GRHL2: variants seen among roughly 807,000 people sequenced by gnomAD.
The protein encoded by GRHL2 is grainyhead like transcription factor 2.
Under a neutral mutation model 83.8 loss-of-function variants are expected in GRHL2, and 21 were observed. The observed-to-expected ratio is 0.25, with a 90% CI of 0.18 to 0.36. The LOEUF is 0.36. GRHL2 is among the 10% of genes least tolerant of loss of function. The pLI, the probability that GRHL2 is intolerant of heterozygous loss-of-function variation, is 1.00. For synonymous variants in GRHL2, 280 were observed against 278.9 expected, an observed-to-expected ratio of 1.00 and a Z score of -0.04; for missense variants, 623 against 781.8, an observed-to-expected ratio of 0.80 and a Z score of 2.42.
chr8:101,516,864 CCACCAT>C (rs1810584085), intron 1 of GRHL2, among the ~76,000 whole-genome samples: 1 of 152,198 alleles, frequency 6.6e-6, no homozygotes, highest in Non-Finnish European at 1.5e-5. Flanking sequence ...TCACTTATTG[CCACCAT>C]CTGAAACCTG....
At chr8:101,536,323 A>G (rs150466618) in intron 1 of GRHL2, among the ~76,000 whole-genome samples, 445 of 152,328 alleles carry the variant, frequency 2.9e-3, no homozygotes, top group African/African-American at 0.01. Flanking sequence ...TATGGATCAA[A>G]GAGGGGAAAG....
At chr8:101,670,779 G>A (rs111642050), downstream of GRHL2, among the ~76,000 whole-genome samples, 30 of 152,314 alleles carry the variant, frequency 2.0e-4, no homozygotes, top group African/African-American at 3.1e-4. Context: ...AGGCGATGAC[G>A]GTTGTCAGTG....
chr8:101,509,508 G>A (rs1206227616), intron 1 of GRHL2, among the ~76,000 whole-genome samples: 1 of 151,928 alleles, frequency 6.6e-6, no homozygotes, highest in East Asian at 1.9e-4. Flanking sequence ...AAACATGTAG[G>A]GCAATTAAGA....
chr8:101,552,908 G>A, intron 3 of GRHL2, 126 bp downstream of exon 3: 1 of 903,220 alleles, frequency 1.1e-6, no homozygotes, highest in South Asian at 1.4e-5. Flanking sequence ...TCTGTCTTTT[G>A]AGTCTGGACC....
chr8:101,517,831 C>G (rs1205119891), intron 1 of GRHL2, among the ~76,000 whole-genome samples: 1 of 152,240 alleles, frequency 6.6e-6, no homozygotes, highest in Non-Finnish European at 1.5e-5. Context: ...ACCTGACTTT[C>G]TAACAGGATT....
chr8:101,653,810 T>C (rs1419187062), intron 14 of GRHL2, among the ~76,000 whole-genome samples: 2 of 151,904 alleles, frequency 1.3e-5, no homozygotes, highest in African/African-American at 4.8e-5. Context: ...TCAGATTCTA[T>C]AGGGGTAGGC....
intron 1 of GRHL2, among the ~76,000 whole-genome samples, chr8:101,523,680 A>T (rs1215124842): frequency 6.6e-6 from 1 of 151,758 alleles, no homozygotes; most frequent in Non-Finnish European, 1.5e-5. Context: ...GGTTTTTGCC[A>T]TGTTGTCTGC....
intron 1 of GRHL2, among the ~76,000 whole-genome samples, chr8:101,518,405 G>A (rs1208426410): frequency 9.2e-5 from 14 of 152,084 alleles, no homozygotes; most frequent in South Asian, 2.1e-4. Context: ...GAGTGAGACC[G>A]TGTCTCAAAG....
At chr8:101,533,996 G>C (rs574528254) in intron 1 of GRHL2, among the ~76,000 whole-genome samples, 5 of 152,256 alleles carry the variant, frequency 3.3e-5, no homozygotes, top group African/African-American at 1.2e-4. Flanking sequence ...GAGCACGAGA[G>C]GGCATGATGT....
chr8:101,608,733 TCTCACACACA>T (rs771765768), intron 8 of GRHL2, among the ~76,000 whole-genome samples: 1 of 50,528 alleles, frequency 2.0e-5, no homozygotes, highest in Non-Finnish European at 3.4e-5. Flanking sequence ...CTGCTCACTC[TCTCACACACA>T]CACACACACA....
rs1486388579 is a variant in GRHL2 at position 101,543,249 on chromosome 8, G to T, written c.29G>T (p.Arg10Ile). 6.2e-7 allele frequency: 1 copy of T among 1,613,640 alleles called. No individual in the cohort carries two copies. The highest frequency in any genetic ancestry group is 1.3e-5 in the African/African-American group (1 of 74,886). MSQESDNNK[R>I]LVALVPMPSD... is the part of the protein sequence containing the mutation. ...TTCTCTTGTTTTTACAGTAATAAAA[G>T]ACTAGTGGCCTTAGTGCCCATGCCC... Residue 10 changes from arginine to isoleucine, a missense_variant, in exon 2 of 16, where the codon AGA becomes ATA. Transcript: ENST00000646743.
rs1203659839 is a variant in GRHL2 at position 101,668,247 on chromosome 8, T to A, written c.*1544T>A. ...CGCCCTTGTGGGCTGAAGCACTAGC[T>A]TTTTGGTAGCTAGACACATCCTGCA... On this transcript the variant is annotated 3_prime_UTR_variant, in exon 16 of 16. Coordinates refer to ENST00000646743, the MANE Select transcript of GRHL2 (RefSeq NM_024915.4). 1.3e-5 allele frequency: 2 copies of A among 151,654 alleles called. No homozygotes were observed. Among genetic ancestry groups the A allele is most frequent in the Non-Finnish European group, 2.9e-5 (2 of 67,884 alleles). The allele number at this position is 151,654 out of a possible 1,614,324, so 9.4% of individuals were successfully genotyped here.
intron 14 of GRHL2, among the ~76,000 whole-genome samples, chr8:101,650,026 C>T (rs1813589188): frequency 6.6e-6 from 1 of 152,190 alleles, no homozygotes; most frequent in Non-Finnish European, 1.5e-5. Flanking sequence ...TGTTATTCAC[C>T]TGAATATAAC....
intron 2 of GRHL2, chr8:101,543,920 C>A (rs55716806): frequency 1.6e-5 from 3 of 191,256 alleles, no homozygotes; most frequent in Non-Finnish European, 3.2e-5. Context: ...AAAAGGCACT[C>A]CTTACACGGC....
At chr8:101,655,556 T>C (rs911160788) in intron 14 of GRHL2, among the ~76,000 whole-genome samples, 10 of 152,324 alleles carry the variant, frequency 6.6e-5, no homozygotes, top group African/African-American at 2.4e-4. Flanking sequence ...TCATTTCACC[T>C]GCCAGAAAAT....
chr8:101,608,715 C>CTTTTTTTATTTTTCTACATTTTTTATT (rs1244428414), intron 8 of GRHL2, among the ~76,000 whole-genome samples: 2 of 145,194 alleles, frequency 1.4e-5, no homozygotes, highest in African/African-American at 5.3e-5. Flanking sequence ...GCCAGATTTG[C>CTTTTTTTATTTTTCTACATTTTTTATT]TTTGTCTCTG....
rs564246796 is a variant in GRHL2 at position 101,542,383 on chromosome 8, C to G, written c.21-858C>G. Among the ~76,000 whole-genome samples the G allele has an allele frequency of 2.6e-5, 4 of 151,864 alleles. No homozygotes were observed. The South Asian group carries it at 8.4e-4, about 32-fold the overall frequency. ...CTGAGGTCAGGAGTTTGAGAACAGC[C>G]GTCTCTACTAAAAATACAAAAATTA... On this transcript the variant is annotated intron_variant, in intron 1 of 15. Transcript: ENST00000646743.
At chr8:101,599,712 A>C (rs1812471057) in intron 8 of GRHL2, among the ~76,000 whole-genome samples, 1 of 152,220 alleles carries the variant, frequency 6.6e-6, no homozygotes, top group Non-Finnish European at 1.5e-5. Context: ...CACATGGTTA[A>C]GAAGTACAAA....
intron 1 of GRHL2, among the ~76,000 whole-genome samples, chr8:101,521,568 C>G (rs1354029603): frequency 1.3e-5 from 2 of 152,184 alleles, no homozygotes; most frequent in Non-Finnish European, 2.9e-5. Context: ...GAGACTGGGT[C>G]TGTCTTTTTC....
Sources: gnomAD v4.1 joint callset for allele counts (sites outside exome capture counted in the v4.1 genomes callset) on GRCh38, gnomAD v4.1.1 for gene constraint, MANE v1.5 for transcripts, NCBI Gene and HGNC (gene_info 2026-07-23, HGNC 2026-07-21) for gene names.